The following ADGRB3 variants were observed in gnomAD, a reference collection of about 807,000 sequenced individuals.
ADGRB3 encodes adhesion G protein-coupled receptor B3.
In ADGRB3, 37 loss-of-function variants were observed where a neutral mutation model predicts 193.4. That is an observed-to-expected ratio of 0.19 (90% CI 0.15 to 0.25). The LOEUF (loss-of-function observed/expected upper bound fraction) is 0.25. ADGRB3 is among the 10% of genes least tolerant of loss of function. The pLI, the probability that ADGRB3 is intolerant of heterozygous loss-of-function variation, is 1.00. For synonymous variants in ADGRB3, 690 were observed against 644.2 expected (o/e 1.07, Z -1.08); for missense variants, 1,637 against 1,852.9 (o/e 0.88, Z 2.14).
intron 17 of ADGRB3, among the ~76,000 whole-genome samples, chr6:69,196,844 G>T (rs1207451706): frequency 6.6e-6 from 1 of 152,176 alleles, no homozygotes; most frequent in East Asian, 1.9e-4. Flanking sequence ...ATCACAAAGG[G>T]TGATTTGTCA....
chr6:68,782,286 T>C (rs907889116), intron 3 of ADGRB3, among the ~76,000 whole-genome samples: 1 of 151,842 alleles, frequency 6.6e-6, no homozygotes, highest in African/African-American at 2.4e-5. Flanking sequence ...TCTATGTCCC[T>C]ACAAAGGACA....
intron 17 of ADGRB3, among the ~76,000 whole-genome samples, chr6:69,080,460 C>T (rs1772354976): frequency 6.6e-6 from 1 of 151,824 alleles, no homozygotes; most frequent in Non-Finnish European, 1.5e-5. Flanking sequence ...AAATAATCTT[C>T]TTATAAGTAT....
intron 20 of ADGRB3, among the ~76,000 whole-genome samples, chr6:69,319,160 A>G (rs1355770853): frequency 1.3e-5 from 2 of 151,166 alleles, no homozygotes; most frequent in African/African-American, 2.4e-5. Flanking sequence ...TCATAGCAAA[A>G]TTTCACAAGT....
intron 13 of ADGRB3, among the ~76,000 whole-genome samples, chr6:69,031,103 T>C (rs1435295952): frequency 3.7e-5 from 3 of 80,608 alleles, no homozygotes; most frequent in African/African-American, 1.4e-4. Flanking sequence ...TCTCTTCTCT[T>C]CTCTTCTCTT....
intron 24 of ADGRB3, 89 bp from the exon 25 acceptor site, chr6:69,338,827 C>CT: frequency 9.7e-7 from 1 of 1,032,460 alleles, no homozygotes; most frequent in South Asian, 1.4e-5. Flanking sequence ...TGCATGAAAT[C>CT]GTATTTAAAA....
chr6:69,239,369 G>A (rs1441342658), intron 20 of ADGRB3, 143 bp downstream of exon 20: 2 of 587,584 alleles, frequency 3.4e-6, no homozygotes, highest in Admixed American at 3.1e-5. Flanking sequence ...ATTGGTTTAT[G>A]AATAAAAACA....
At chr6:69,227,975 G>T (rs915576470) in intron 17 of ADGRB3, among the ~76,000 whole-genome samples, 2 of 152,194 alleles carry the variant, frequency 1.3e-5, no homozygotes, top group Non-Finnish European at 2.9e-5. Context: ...CATTACATGG[G>T]CCGGGTGTGG....
chr6:68,934,468 T>A (rs969787220), intron 4 of ADGRB3, among the ~76,000 whole-genome samples: 1 of 152,210 alleles, frequency 6.6e-6, no homozygotes, highest in Non-Finnish European at 1.5e-5. Flanking sequence ...TCTGTCATTA[T>A]GACAGTGCAA....
intron 17 of ADGRB3, among the ~76,000 whole-genome samples, chr6:69,196,234 G>GC (rs1246185084): frequency 6.6e-6 from 1 of 151,948 alleles, no homozygotes; most frequent in Non-Finnish European, 1.5e-5. Flanking sequence ...TTCCTTTCTT[G>GC]CCAATTTCAT....
intron 17 of ADGRB3, among the ~76,000 whole-genome samples, chr6:69,182,818 T>A (rs1775625102): frequency 2.6e-5 from 4 of 152,154 alleles, no homozygotes. Context: ...CATGGCTGGT[T>A]TCAGGCTATC....
Position 69,389,482 on chromosome 6 carries a change from T to C in ADGRB3, c.*591T>C, listed in dbSNP as rs967429929. The stretch of plus-strand genomic sequence containing the variant: ...TGTATAAAATATTTAAAATGTTGTA[T>C]GGTGTAAATAAACTTTTGTCTACAT... On this transcript the variant is annotated 3_prime_UTR_variant, in exon 32 of 32. Coordinates refer to ENST00000370598, the MANE Select transcript of ADGRB3 (RefSeq NM_001704.3). 1.3e-5 allele frequency: 2 copies of C among 152,630 alleles called. No individual in the cohort carries two copies. The highest frequency in any genetic ancestry group is 4.8e-5 in the African/African-American group (2 of 41,462). The allele number at this position is 152,630 out of a possible 1,614,324, so 9.5% of individuals were successfully genotyped here.
intron 17 of ADGRB3, among the ~76,000 whole-genome samples, chr6:69,183,034 G>A (rs1764966789): frequency 6.6e-6 from 1 of 152,048 alleles, no homozygotes; most frequent in South Asian, 2.1e-4. Context: ...CTGTCACATG[G>A]ATGTTACCCC....
At chr6:69,187,516 G>A (rs1028971827) in intron 17 of ADGRB3, among the ~76,000 whole-genome samples, 1 of 152,150 alleles carries the variant, frequency 6.6e-6, no homozygotes, top group Non-Finnish European at 1.5e-5. Flanking sequence ...TGTGACTTCT[G>A]TGATATTTAA....
intron 3 of ADGRB3, among the ~76,000 whole-genome samples, chr6:68,661,125 C>T (rs1400290991): frequency 6.7e-6 from 1 of 149,862 alleles, no homozygotes; most frequent in African/African-American, 2.4e-5. Context: ...TATAGTATTA[C>T]ATGAGATAGT....
At chr6:69,369,354 G>GTTCTTA (rs1172880016) in intron 29 of ADGRB3, among the ~76,000 whole-genome samples, 5 of 152,082 alleles carry the variant, frequency 3.3e-5, no homozygotes, top group Non-Finnish European at 7.4e-5. Flanking sequence ...AGAATTGAAT[G>GTTCTTA]TTCTTATTCT....
At chr6:69,146,086 C>T (rs1774484489) in intron 17 of ADGRB3, among the ~76,000 whole-genome samples, 2 of 152,138 alleles carry the variant, frequency 1.3e-5, no homozygotes, top group Admixed American at 1.3e-4. Context: ...GCCCAAAAGC[C>T]TACTTGCCTC....
At chr6:68,884,052 T>G (rs763847826) in intron 3 of ADGRB3, among the ~76,000 whole-genome samples, 22 of 152,328 alleles carry the variant, frequency 1.4e-4, no homozygotes, top group Non-Finnish European at 2.8e-4. Context: ...GAGTGCTTTG[T>G]TTGGCACTAA....
intron 20 of ADGRB3, among the ~76,000 whole-genome samples, chr6:69,277,977 C>T (rs1049162560): frequency 5.3e-5 from 8 of 152,334 alleles, no homozygotes; most frequent in South Asian, 2.1e-4. Context: ...TTCATTACTG[C>T]ACTCTATACC....
chr6:68,665,052 G>T (rs567925269), intron 3 of ADGRB3, among the ~76,000 whole-genome samples: 1 of 151,654 alleles, frequency 6.6e-6, no homozygotes, highest in Non-Finnish European at 1.5e-5. Context: ...CCTTCACCAG[G>T]CTTCACCTTC....
Sources: allele counts gnomAD v4.1 joint callset (sites outside exome capture counted in the v4.1 genomes callset), GRCh38; gene constraint gnomAD v4.1.1; transcripts MANE v1.5; gene names NCBI Gene and HGNC (gene_info 2026-07-23, HGNC 2026-07-21).